The following FHIT variants were observed in gnomAD, a reference collection of about 807,000 sequenced individuals.
FHIT encodes the protein bis(5'-adenosyl)-triphosphatase.
In FHIT, 19 loss-of-function variants were observed where a neutral mutation model predicts 17.9. The observed-to-expected ratio is 1.06, with a 90% CI of 0.74 to 1.56. The LOEUF is 1.56. FHIT is among the 40% of genes most tolerant of loss of function. The probability of loss-of-function intolerance (pLI) is 0.00; values close to 1 mark genes in which losing one functional copy is unlikely to be tolerated. For synonymous variants in FHIT, 81 were observed against 69.7 expected (o/e 1.16, Z -0.81); for missense variants, 248 against 189.2 (o/e 1.31, Z -1.82).
intron 4 of FHIT, among the ~76,000 whole-genome samples, chr3:60,788,049 T>C (rs1700644190): frequency 6.6e-6 from 1 of 152,218 alleles, no homozygotes; most frequent in South Asian, 2.1e-4. Context: ...ATGACTTCAG[T>C]GTTAATGAAT....
intron 8 of FHIT, among the ~76,000 whole-genome samples, chr3:59,887,374 G>T (rs1465678925): frequency 6.6e-6 from 1 of 152,146 alleles, no homozygotes; most frequent in Non-Finnish European, 1.5e-5. Flanking sequence ...GGACTAGAAA[G>T]TTTCAGAACA....
intron 5 of FHIT, among the ~76,000 whole-genome samples, chr3:60,519,886 A>C (rs548592394): frequency 6.6e-6 from 1 of 152,274 alleles, no homozygotes; most frequent in African/African-American, 2.4e-5. Context: ...TTTTACTGTG[A>C]AACAATTTAC....
intron 5 of FHIT, among the ~76,000 whole-genome samples, chr3:60,143,646 A>T (rs958706712): frequency 2.0e-5 from 3 of 152,162 alleles, no homozygotes; most frequent in Admixed American, 6.6e-5. Context: ...TAACAAAATG[A>T]TGACACTTTT....
At chr3:60,044,833 AC>A (rs1202116870) in intron 5 of FHIT, among the ~76,000 whole-genome samples, 1 of 152,076 alleles carries the variant, frequency 6.6e-6, no homozygotes, top group Non-Finnish European at 1.5e-5. Context: ...AGTGCAAGAA[AC>A]CTGGGGAGAC....
chr3:60,226,129 T>C (rs1208211389), intron 5 of FHIT, among the ~76,000 whole-genome samples: 1 of 152,114 alleles, frequency 6.6e-6, no homozygotes, highest in East Asian at 1.9e-4. Flanking sequence ...GTCCCAGTGG[T>C]GAAGAAGGAC....
intron 2 of FHIT, among the ~76,000 whole-genome samples, chr3:61,170,091 G>A (rs148409320): frequency 5.6e-4 from 86 of 152,300 alleles, no homozygotes; most frequent in Middle Eastern, 3.4e-3. Flanking sequence ...GTCGCTAGTT[G>A]AGAAAAGGGC....
chr3:59,792,882 G>A (rs1334386410), intron 8 of FHIT, among the ~76,000 whole-genome samples: 4 of 144,402 alleles, frequency 2.8e-5, no homozygotes, highest in African/African-American at 1.0e-4. Flanking sequence ...TGGGGGGGGG[G>A]GTCATGAACC....
chr3:60,432,215 A>T (rs1702936907), intron 5 of FHIT, among the ~76,000 whole-genome samples: 1 of 152,094 alleles, frequency 6.6e-6, no homozygotes. Context: ...AGCTCAAGCG[A>T]TGCACCTGCC....
intron 5 of FHIT, among the ~76,000 whole-genome samples, chr3:60,094,438 GA>G (rs11317328): frequency 0.35 from 52,117 of 149,294 alleles, 9,643 homozygotes; most frequent in African/African-American, 0.48. Context: ...GTATCACCTG[GA>G]AAAAAAAAAT....
At chr3:59,957,955 T>C (rs988694745) in intron 7 of FHIT, among the ~76,000 whole-genome samples, 1 of 152,232 alleles carries the variant, frequency 6.6e-6, no homozygotes, top group African/African-American at 2.4e-5. Flanking sequence ...CTCATCGTTT[T>C]AATCAACATG....
intron 8 of FHIT, among the ~76,000 whole-genome samples, chr3:59,917,925 G>C (rs547057506): frequency 6.6e-6 from 1 of 152,194 alleles, no homozygotes; most frequent in East Asian, 1.9e-4. Flanking sequence ...TATCAACTTC[G>C]ACATGTGCCT....
intron 3 of FHIT, among the ~76,000 whole-genome samples, chr3:60,869,671 A>T (rs1704318255): frequency 6.6e-6 from 1 of 152,100 alleles, no homozygotes; most frequent in Non-Finnish European, 1.5e-5. Context: ...GGCCCAAGGG[A>T]CCACTCTTAC....
chr3:61,099,425 G>C (rs1302519625), intron 2 of FHIT, among the ~76,000 whole-genome samples: 1 of 152,130 alleles, frequency 6.6e-6, no homozygotes. Flanking sequence ...GATGCTGCTG[G>C]CCTCATAGAA....
At chr3:60,098,918 G>C (rs1390343228) in intron 5 of FHIT, among the ~76,000 whole-genome samples, 1 of 152,098 alleles carries the variant, frequency 6.6e-6, no homozygotes, top group Non-Finnish European at 1.5e-5. Flanking sequence ...TGATGTTCAA[G>C]GGTCAGTTGT....
At chr3:60,014,205 C>A (rs1223574401) in intron 5 of FHIT, 53 bp from the exon 6 acceptor site, 5 of 1,593,130 alleles carry the variant, frequency 3.1e-6, no homozygotes, top group Non-Finnish European at 4.3e-6. Context: ...AGTGTTCTTA[C>A]CAAGCAGTTC....
chr3:60,126,513 T>C (rs923365015), intron 5 of FHIT, among the ~76,000 whole-genome samples: 1 of 152,194 alleles, frequency 6.6e-6, no homozygotes, highest in Admixed American at 6.5e-5. Flanking sequence ...ATTGGACACA[T>C]ATCCCATACA....
intron 4 of FHIT, among the ~76,000 whole-genome samples, chr3:60,575,595 A>G (rs2037537677): frequency 6.6e-6 from 1 of 152,180 alleles, no homozygotes; most frequent in Non-Finnish European, 1.5e-5. Flanking sequence ...AGACCACAGT[A>G]TAAAATGTAA....
At chr3:60,965,154 G>T (rs4574237) in intron 3 of FHIT, among the ~76,000 whole-genome samples, 148,598 of 151,688 alleles carry the variant, frequency 0.98, 72,883 homozygotes, top group East Asian at 1. Context: ...TTCTCTAAAC[G>T]TCTCTTCCGG....
chr3:60,017,226 C>A (rs546244434), intron 5 of FHIT, among the ~76,000 whole-genome samples: 3 of 152,146 alleles, frequency 2.0e-5, no homozygotes, highest in Admixed American at 6.5e-5. Flanking sequence ...ACATGCTGAA[C>A]GCTTAAGAAA....
Sources: allele counts gnomAD v4.1 joint callset (sites outside exome capture counted in the v4.1 genomes callset), GRCh38; gene constraint gnomAD v4.1.1; transcripts MANE v1.5; gene names NCBI Gene and HGNC (gene_info 2026-07-23, HGNC 2026-07-21).